Variants in HIVEP2 observed in about 807,000 individuals in gnomAD.
HIVEP2 encodes transcription factor HIVEP2.
HIVEP2 carries 14 observed loss-of-function variants against 180.7 expected under a neutral mutation model. That is an observed-to-expected ratio of 0.08 (90% CI 0.05 to 0.12). The LOEUF (loss-of-function observed/expected upper bound fraction) is 0.12, where lower values mean the gene tolerates loss of function less well. HIVEP2 is among the 10% of genes least tolerant of loss of function. The pLI, the probability that HIVEP2 is intolerant of heterozygous loss-of-function variation, is 1.00. For missense variants in HIVEP2, 2,579 were observed against 3,008.5 expected (o/e 0.86, Z 3.34); for synonymous variants, 1,184 against 1,136.4 (o/e 1.04, Z -0.84).
intron 9 of HIVEP2, among the ~76,000 whole-genome samples, chr6:142,756,474 G>C (rs536465060): frequency 1.1e-4 from 17 of 152,084 alleles, no homozygotes; most frequent in Non-Finnish European, 2.5e-4. Flanking sequence ...CACCTCCCTG[G>C]CTGCCAGAAA....
chr6:142,940,771 G>T (rs944516158), intron 1 of HIVEP2, among the ~76,000 whole-genome samples: 1 of 152,188 alleles, frequency 6.6e-6, no homozygotes, highest in African/African-American at 2.4e-5. Context: ...GGCACCAGTC[G>T]TAGTACTCTG....
At position 142,753,352 on chromosome 6, in the gene HIVEP2, G is replaced by A. The variant is rs753301328; in HGVS notation, c.7096C>T (p.His2366Tyr). Reference sequence around the variant, plus strand: ...CTACTAAAGTGTCTAATGCTAACATGTGCACTTCCCAGGGGGTTCTGGTGG... The same window carrying A: ...CTACTAAAGTGTCTAATGCTAACATATGCACTTCCCAGGGGGTTCTGGTGG... ...EPHQNPLGSA[H>Y]VSIRHFSRPE... Residue 2366 changes from histidine to tyrosine, a missense_variant, in exon 10 of 10, where the codon CAT becomes TAT. His to Tyr is a moderately conservative substitution (Grantham distance 83). Coordinates refer to ENST00000367603, the MANE Select transcript of HIVEP2 (RefSeq NM_006734.4). 2.2e-5 allele frequency: 36 copies of A among 1,614,002 alleles called. 1 individual carries two copies. Among genetic ancestry groups the A allele is most frequent in the Middle Eastern group, 3.3e-4 (2 of 6,082 alleles).
chr6:142,775,948 T>C (rs1366274993), intron 4 of HIVEP2, among the ~76,000 whole-genome samples, 199 bp downstream of exon 4: 1 of 151,520 alleles, frequency 6.6e-6, no homozygotes, highest in African/African-American at 2.4e-5. Context: ...TCATAAAGTA[T>C]TATATATTAC....
At chr6:142,803,266 TCTTTA>T (rs1003340767) in intron 2 of HIVEP2, among the ~76,000 whole-genome samples, 19 of 152,162 alleles carry the variant, frequency 1.2e-4, no homozygotes, top group African/African-American at 4.6e-4. Flanking sequence ...CAGGAGGATC[TCTTTA>T]CTTTAGTGGA....
At chr6:142,920,499 T>C (rs78752145) in intron 1 of HIVEP2, among the ~76,000 whole-genome samples, 13,664 of 152,212 alleles carry the variant, frequency 0.09, 976 homozygotes, top group East Asian at 0.24. Flanking sequence ...GGAGAACTCA[T>C]TTGGAAATTC....
intron 1 of HIVEP2, among the ~76,000 whole-genome samples, chr6:142,860,974 A>C (rs1260380380): frequency 6.6e-6 from 1 of 152,238 alleles, no homozygotes; most frequent in East Asian, 1.9e-4. Context: ...AAAAAGAAAG[A>C]GAAGTTAAGT....
intron 2 of HIVEP2, among the ~76,000 whole-genome samples, chr6:142,803,767 C>A (rs1382529540): frequency 6.6e-6 from 1 of 152,062 alleles, no homozygotes; most frequent in East Asian, 1.9e-4. Flanking sequence ...TTCCTATAAT[C>A]AAGGGCCACA....
At chr6:142,759,261 C>T (rs1365112680) in intron 9 of HIVEP2, among the ~76,000 whole-genome samples, 1 of 151,978 alleles carries the variant, frequency 6.6e-6, no homozygotes, top group Non-Finnish European at 1.5e-5. Context: ...CAAAGTCGTG[C>T]CACTGCACTC....
At chr6:142,903,537 A>G (rs888540777) in intron 1 of HIVEP2, among the ~76,000 whole-genome samples, 1 of 152,228 alleles carries the variant, frequency 6.6e-6, no homozygotes, top group African/African-American at 2.4e-5. Flanking sequence ...TTAATGTTAT[A>G]ACTATGTTAT....
chr6:142,928,506 G>A (rs1178589000), intron 1 of HIVEP2, among the ~76,000 whole-genome samples: 5 of 152,098 alleles, frequency 3.3e-5, no homozygotes, highest in Non-Finnish European at 5.9e-5. Context: ...TATATTAGTT[G>A]TCCTATCCAG....
intron 2 of HIVEP2, among the ~76,000 whole-genome samples, chr6:142,803,215 A>G (rs1776456869): frequency 6.6e-6 from 1 of 152,198 alleles, no homozygotes; most frequent in Non-Finnish European, 1.5e-5. Flanking sequence ...ATCATAACCT[A>G]GAAGTTTCAG....
At chr6:142,804,127 G>A (rs1199509523) in intron 2 of HIVEP2, among the ~76,000 whole-genome samples, 1 of 152,112 alleles carries the variant, frequency 6.6e-6, no homozygotes, top group Non-Finnish European at 1.5e-5. Context: ...TATTCAATAT[G>A]TATAAATTTT....
At chr6:142,766,043 A>T (rs1775373174) in intron 6 of HIVEP2, among the ~76,000 whole-genome samples, 1 of 152,170 alleles carries the variant, frequency 6.6e-6, no homozygotes, top group Non-Finnish European at 1.5e-5. Flanking sequence ...AAGGCACTAA[A>T]TTTACAGTTT....
chr6:142,834,837 G>GA (rs931034658), intron 2 of HIVEP2, among the ~76,000 whole-genome samples: 31 of 149,628 alleles, frequency 2.1e-4, no homozygotes, highest in African/African-American at 5.9e-4. Flanking sequence ...AAGTTACATT[G>GA]AAAAAAAAAC....
intron 1 of HIVEP2, among the ~76,000 whole-genome samples, chr6:142,876,618 T>A (rs1328963373): frequency 1.3e-5 from 2 of 152,070 alleles, no homozygotes; most frequent in Non-Finnish European, 2.9e-5. Flanking sequence ...GTGCCACTAA[T>A]CCCAAGAATC....
At chr6:142,914,103 C>T (rs940854308) in intron 1 of HIVEP2, among the ~76,000 whole-genome samples, 2 of 152,138 alleles carry the variant, frequency 1.3e-5, no homozygotes, top group African/African-American at 4.8e-5. Flanking sequence ...CCTGAGCTAA[C>T]ACTGCGTATC....
chr6:142,924,149 T>G (rs988876921), intron 1 of HIVEP2, among the ~76,000 whole-genome samples: 3 of 152,250 alleles, frequency 2.0e-5, no homozygotes, highest in Non-Finnish European at 4.4e-5. Context: ...TCAGTGGTTT[T>G]TTAATTTAAT....
intron 1 of HIVEP2, among the ~76,000 whole-genome samples, chr6:142,898,912 G>T (rs904137017): frequency 3.9e-5 from 6 of 152,122 alleles, no homozygotes; most frequent in Admixed American, 3.9e-4. Flanking sequence ...GGCTTTCATT[G>T]TTTTTTCGCT....
At chr6:142,944,433 A>C (rs962726420) in intron 1 of HIVEP2, among the ~76,000 whole-genome samples, 12 of 140,258 alleles carry the variant, frequency 8.6e-5, no homozygotes, top group South Asian at 2.4e-4. Context: ...ACACCCACAC[A>C]CACACACACA....
Sources: allele counts gnomAD v4.1 joint callset (sites outside exome capture counted in the v4.1 genomes callset), GRCh38; gene constraint gnomAD v4.1.1; transcripts MANE v1.5; gene names NCBI Gene and HGNC (gene_info 2026-07-23, HGNC 2026-07-21).